SLC2A11: variants seen among roughly 807,000 people sequenced by gnomAD.
SLC2A11 encodes the protein solute carrier family 2 member 11, also known as solute carrier family 2, facilitated glucose transporter member 11.
SLC2A11 carries 43 observed loss-of-function variants against 52.1 expected under a neutral mutation model. The ratio of observed to expected loss-of-function variants is 0.82; its 90% CI spans 0.65 to 1.06. The LOEUF is 1.06. Among genes scored for constraint, SLC2A11 ranks in the 50% least tolerant of loss-of-function variants. SLC2A11 has a pLI of 0.00. For synonymous variants in SLC2A11, 261 were observed against 277.6 expected, an observed-to-expected ratio of 0.94 and a Z score of 0.59; for missense variants, 582 against 654.2, an observed-to-expected ratio of 0.89 and a Z score of 1.20.
Position 23,875,130 on chromosome 22 carries a change from C to A in SLC2A11, c.304C>A (p.Leu102Met), listed in dbSNP as rs1194844860. Reference protein sequence around the residue: ...AITLGRKKSLLVNNIFVVSAA... With the variant: ...AITLGRKKSLMVNNIFVVSAA... ...ACTTCCCCCAAGGAAGAAGTCCCTC[C>A]TGGTGAATAACATCTTTGTGGTGTC... Residue 102 changes from leucine to methionine, a missense_variant, in exon 4 of 12, where the codon CTG becomes ATG. By Grantham distance (15) the Leu-to-Met change is conservative. Coordinates refer to ENST00000316185, the MANE Select transcript of SLC2A11 (RefSeq NM_001024939.4). 3 of 1,592,260 alleles carry A rather than the reference C, an allele frequency of 1.9e-6. No homozygotes were observed. The Admixed American group carries it at 5.4e-5, about 29-fold the overall frequency.
upstream of SLC2A11, chr22:23,857,551 GA>G (rs2031881105): frequency 6.3e-7 from 1 of 1,591,962 alleles, no homozygotes; most frequent in Non-Finnish European, 8.6e-7. Context: ...CAGCGGCGGC[GA>G]CAAACCCCGC....
chr22:23,874,788 A>G (rs1290408580), intron 3 of SLC2A11, among the ~76,000 whole-genome samples: 1 of 151,754 alleles, frequency 6.6e-6, no homozygotes, highest in African/African-American at 2.4e-5. Flanking sequence ...ATAGGGTTTC[A>G]TCATGTTGAC....
At chr22:23,878,574 G>C (rs1049770816) in intron 6 of SLC2A11, among the ~76,000 whole-genome samples, 4 of 152,186 alleles carry the variant, frequency 2.6e-5, no homozygotes, top group Non-Finnish European at 5.9e-5. Flanking sequence ...CATTCCATTG[G>C]CCAAAGCGAG....
chr22:23,882,167 TTGAG>T (rs1568997197), intron 6 of SLC2A11: 2 of 238,096 alleles, frequency 8.4e-6, no homozygotes, highest in East Asian at 1.1e-4. Context: ...GACAGAGAGA[TTGAG>T]AGAGACAGAG....
chr22:23,884,652 G>A lies in SLC2A11; in HGVS notation c.1303G>A (p.Ala435Thr), dbSNP rs1230348743. ...VGLGFPFIME[A>T]LSHFLYVPFL... ...TGGGGTCTTTTTTAATCCGCAGGAG[G>A]CCTTGTCCCACTTCCTCTATGTCCC... Residue 435 changes from alanine to threonine, a missense_variant, in exon 12 of 12, where the codon GCC (alanine) becomes ACC (threonine). By Grantham distance (58) the Ala-to-Thr change is moderately conservative. Transcript: ENST00000316185. The surrounding 1 kb of genome is among the most constrained non-coding windows in gnomAD (Gnocchi z 4.3). 4 of 1,612,628 alleles carry A rather than the reference G, an allele frequency of 2.5e-6. No homozygotes were observed. The Admixed American group carries it at 5.0e-5, about 20-fold the overall frequency.
At chr22:23,867,867 A>C (rs758691862) in intron 2 of SLC2A11, 6 of 434,944 alleles carry the variant, frequency 1.4e-5, no homozygotes, top group African/African-American at 4.1e-5. Flanking sequence ...CTGGCTATTC[A>C]TGAGTTGTAT....
chr22:23,872,868 C>T (rs1414789050), intron 3 of SLC2A11: 1 of 152,212 alleles, frequency 6.6e-6, no homozygotes, highest in South Asian at 2.1e-4. Flanking sequence ...CTTTGTCACA[C>T]TGTGCCTTAC....
intron 1 of SLC2A11, among the ~76,000 whole-genome samples, chr22:23,860,990 T>C (rs112679425): frequency 0.086 from 13,098 of 151,578 alleles, 611 homozygotes; most frequent in Middle Eastern, 0.16. Flanking sequence ...GGTCTACAGG[T>C]GCCCGCCACC....
intron 2 of SLC2A11, 169 bp from the exon 3 acceptor site, chr22:23,868,312 A>T: frequency 1.5e-6 from 1 of 679,284 alleles, no homozygotes; most frequent in Non-Finnish European, 2.5e-6. Flanking sequence ...TGCACAAGGG[A>T]GGTGCTCAGG....
upstream of SLC2A11, chr22:23,857,194 C>T: frequency 1.3e-6 from 1 of 798,184 alleles, no homozygotes; most frequent in East Asian, 2.7e-5. Flanking sequence ...GCGACCGGCG[C>T]AGGGAATCGC....
chr22:23,868,632 C>T lies in SLC2A11; in HGVS notation c.281C>T (p.Thr94Met), dbSNP rs147655616. Residue 94 changes from threonine (T) to methionine (M), a missense_variant, in exon 3 of 12, where the codon ACG (threonine) becomes ATG (methionine). Coordinates refer to ENST00000316185, the MANE Select transcript of SLC2A11 (RefSeq NM_001024939.4). Reference sequence around the variant, plus strand: ...CTGCTTGCAGGTCCCTTGGCCATCACGCTGGGAAGGTAAGTGCTTCCTGCA... The same window carrying T: ...CTGCTTGCAGGTCCCTTGGCCATCATGCTGGGAAGGTAAGTGCTTCCTGCA... ...GALLAGPLAI[T>M]LGRKKSLLVN... 2.4e-3 allele frequency: 3,952 copies of T among 1,614,024 alleles called. 9 individuals are homozygous for T. Among genetic ancestry groups the T allele is most frequent in the Middle Eastern group, 6.3e-3 (38 of 6,062 alleles).
In SLC2A11 at chr22:23,885,049, A is replaced by G. The variant is rs1330097003; in HGVS notation, c.*200A>G. On this transcript the variant is annotated 3_prime_UTR_variant, in exon 12 of 12. Coordinates refer to ENST00000316185, the MANE Select transcript of SLC2A11 (RefSeq NM_001024939.4). The stretch of plus-strand genomic sequence containing the variant: ...GGCTAAAGGTAATTAACTGACAGAA[A>G]ATCAGTAACAACATAATTACAGGCT... The G allele has an allele frequency of 1.7e-6, 1 of 572,634 alleles. No homozygotes were observed. Among genetic ancestry groups the G allele is most frequent in the Non-Finnish European group, 3.1e-6 (1 of 323,440 alleles). 35.5% of individuals were successfully genotyped at this position (572,634 alleles called of 1,614,324 possible).
intron 6 of SLC2A11, chr22:23,881,037 A>G (rs2032780043): frequency 6.6e-6 from 1 of 151,290 alleles, no homozygotes; most frequent in Non-Finnish European, 1.5e-5. Flanking sequence ...ACCATATTTC[A>G]CAGGTCTTTG....
At chr22:23,859,563 C>T (rs2031979179) in intron 1 of SLC2A11, among the ~76,000 whole-genome samples, 1 of 152,038 alleles carries the variant, frequency 6.6e-6, no homozygotes, top group Admixed American at 6.6e-5. Flanking sequence ...TCTGGGCTTA[C>T]TGCAACCTCC....
At chr22:23,882,108 T>C (rs1443094238) in intron 6 of SLC2A11, 1 of 193,712 alleles carries the variant, frequency 5.2e-6, no homozygotes. Context: ...ACAGAGAGAT[T>C]GAGAAAGACA....
chr22:23,868,779 C>G, intron 3 of SLC2A11, 138 bp downstream of exon 3: 1 of 1,032,676 alleles, frequency 9.7e-7, no homozygotes, highest in Non-Finnish European at 1.4e-6. Context: ...CTTACTCTGC[C>G]TGGAGTTTCA....
chr22:23,882,483 G>A lies in SLC2A11; in HGVS notation c.719G>A (p.Gly240Glu). The change falls in exon 7 of 12, where the codon GGG (glycine) becomes GAG (glutamate). Residue 240 changes from glycine (G) to glutamate (E), a missense_variant. Transcript: ENST00000316185. ...GCACTACGGCGGCTCCGGGGCTCCG[G>A]GGACTTGGCAGGGGAGCTGGAGGAG... The part of the protein sequence containing the change: ...LAALRRLRGS[G>E]DLAGELEELE... 1 of 1,558,432 alleles carries A rather than the reference G, an allele frequency of 6.4e-7. No homozygotes were observed. The highest frequency in any genetic ancestry group is 2.4e-5 in the East Asian group (1 of 41,432).
chr22:23,868,635 T>G lies in SLC2A11; in HGVS notation c.284T>G (p.Leu95Arg), dbSNP rs140623928. ...CTTGCAGGTCCCTTGGCCATCACGC[T>G]GGGAAGGTAAGTGCTTCCTGCATAC... ...ALLAGPLAIT[L>R]GRKKSLLVNN... The change falls in exon 3 of 12, where the codon CTG becomes CGG. Residue 95 changes from leucine to arginine, a missense_variant. By Grantham distance (102) the Leu-to-Arg change is moderately radical. Coordinates refer to ENST00000316185, the MANE Select transcript of SLC2A11 (RefSeq NM_001024939.4). The G allele has an allele frequency of 1.7e-4, 276 of 1,614,094 alleles. No homozygotes were observed. The highest frequency in any genetic ancestry group is 1.4e-4 in the Non-Finnish European group (166 of 1,179,978).
At chr22:23,878,039 A>G (rs1306898947) in intron 6 of SLC2A11, among the ~76,000 whole-genome samples, 170 bp downstream of exon 6, 1 of 152,184 alleles carries the variant, frequency 6.6e-6, no homozygotes, top group Non-Finnish European at 1.5e-5. Context: ...AACTCTATCA[A>G]GTGGTTGTCC....
Sources: gnomAD v4.1 joint callset for allele counts (sites outside exome capture counted in the v4.1 genomes callset) on GRCh38, gnomAD v4.1.1 for gene constraint, Gnocchi (gnomAD v3.1) non-coding constraint, MANE v1.5 for transcripts, NCBI Gene and HGNC (gene_info 2026-07-23, HGNC 2026-07-21) for gene names.